Variants in RPS6KC1 observed in about 807,000 individuals in gnomAD.
RPS6KC1 encodes inactive ribosomal protein S6 kinase delta-1.
A neutral mutation model predicts 103.8 loss-of-function variants in RPS6KC1; 54 were observed. The observed-to-expected ratio is 0.52, with a 90% CI of 0.42 to 0.65. RPS6KC1 has a LOEUF of 0.65. RPS6KC1 is among the 30% of genes least tolerant of loss of function. The pLI, the probability that RPS6KC1 is intolerant of heterozygous loss-of-function variation, is 0.00. For synonymous variants in RPS6KC1, 439 were observed against 438.7 expected (o/e 1.00, Z -0.01); for missense variants, 1,151 against 1,253.8 (o/e 0.92, Z 1.24).
the RPS6KC1 span, among the ~76,000 whole-genome samples, chr1:213,383,210 C>T: frequency 6.6e-6 from 1 of 152,246 alleles, no homozygotes; most frequent in Non-Finnish European, 1.5e-5. Flanking sequence ...GGGACCAGGT[C>T]TACCTGGTTC....
intron 4 of RPS6KC1, among the ~76,000 whole-genome samples, chr1:213,109,734 T>C (rs1039106350): frequency 2.6e-5 from 4 of 152,200 alleles, no homozygotes; most frequent in Admixed American, 1.3e-4. Context: ...TTGGCTATTA[T>C]GAATGGTGCT....
the RPS6KC1 span, among the ~76,000 whole-genome samples, chr1:213,749,189 T>A: frequency 6.6e-6 from 1 of 152,176 alleles, no homozygotes; most frequent in Non-Finnish European, 1.5e-5. Context: ...CATATGAGTG[T>A]AAATCCTCAA....
chr1:213,140,188 A>G (rs2086846755), intron 6 of RPS6KC1, among the ~76,000 whole-genome samples: 1 of 152,066 alleles, frequency 6.6e-6, no homozygotes, highest in South Asian at 2.1e-4. Flanking sequence ...TTGTGCATTG[A>G]TTTTTGTATT....
intron 4 of RPS6KC1, among the ~76,000 whole-genome samples, chr1:213,105,837 A>G (rs2082433606): frequency 6.6e-6 from 1 of 152,144 alleles, no homozygotes; most frequent in South Asian, 2.1e-4. Flanking sequence ...TGTGTCAGGG[A>G]GTCTGTTTTT....
chr1:213,572,643 T>G, the RPS6KC1 span, among the ~76,000 whole-genome samples: 1 of 152,236 alleles, frequency 6.6e-6, no homozygotes, highest in South Asian at 2.1e-4. Context: ...AGGAAATAGC[T>G]TCATTGTTTG....
intron 12 of RPS6KC1, among the ~76,000 whole-genome samples, chr1:213,257,023 A>T (rs940563275): frequency 1.3e-5 from 2 of 152,146 alleles, no homozygotes; most frequent in Non-Finnish European, 2.9e-5. Context: ...ATTGTGTTCC[A>T]TAATAGGTCT....
In RPS6KC1 at chr1:213,062,377, A is replaced by T. The variant is rs181528111; in HGVS notation, c.106-8629A>T. ...TATTTCATGTATGTGCAAATATTCC[A>T]AAATCCAAAAAAAATACAAAATCTG... On this transcript the variant is annotated intron_variant, in intron 1 of 14. Transcript: ENST00000366960. Among the ~76,000 whole-genome samples, 5 of 152,298 alleles carry T rather than the reference A, an allele frequency of 3.3e-5. No individual in the cohort carries two copies. In the East Asian group the frequency reaches 5.8e-4, roughly 18 times the overall value.
chr1:213,099,705 A>T (rs552705312), intron 3 of RPS6KC1, among the ~76,000 whole-genome samples: 3 of 152,260 alleles, frequency 2.0e-5, no homozygotes, highest in Non-Finnish European at 4.4e-5. Flanking sequence ...TCTACTATAT[A>T]TTAGTTTTGT....
intron 8 of RPS6KC1, among the ~76,000 whole-genome samples, chr1:213,228,348 C>A (rs1477241554): frequency 6.6e-6 from 1 of 152,144 alleles, no homozygotes; most frequent in Non-Finnish European, 1.5e-5. Context: ...ACTATTATAG[C>A]TTCTACATAA....
the RPS6KC1 span, among the ~76,000 whole-genome samples, chr1:213,514,886 C>T: frequency 2.6e-5 from 4 of 152,330 alleles, no homozygotes; most frequent in Non-Finnish European, 5.9e-5. Flanking sequence ...TCCTCTCCAG[C>T]ACCTGTTGTT....
At chr1:213,596,088 C>A in the RPS6KC1 span, among the ~76,000 whole-genome samples, 1 of 152,040 alleles carries the variant, frequency 6.6e-6, no homozygotes, top group African/African-American at 2.4e-5. Context: ...CTTAAGATTG[C>A]CTGAGTTATG....
In RPS6KC1 at chr1:213,274,058, T is replaced by C. The variant is rs2095096227; in HGVS notation, c.*1424T>C. The stretch of plus-strand genomic sequence containing the variant: ...AAATGCTCTAGTGAAACAAAGGAAA[T>C]GTGCAAGCATTTTTCCTTTTTCTAT... On this transcript the variant is annotated 3_prime_UTR_variant, in exon 15 of 15. Transcript: ENST00000366960. 6.6e-6 allele frequency: 1 copy of C among 152,168 alleles called. No individual in the cohort carries two copies. Among genetic ancestry groups the C allele is most frequent in the South Asian group, 2.1e-4 (1 of 4,826 alleles). 9.4% of individuals were successfully genotyped at this position (152,168 alleles called of 1,614,324 possible). A position where few individuals can be genotyped will look rare whatever the true frequency, so the allele number is the denominator to read the frequency against.
At chr1:213,244,932 G>GCT (rs1270522696) in intron 12 of RPS6KC1, among the ~76,000 whole-genome samples, 2 of 152,274 alleles carry the variant, frequency 1.3e-5, no homozygotes, top group East Asian at 3.9e-4. Context: ...GTGTTCTAGT[G>GCT]TTGTGGCATG....
chr1:213,814,441 G>A, the RPS6KC1 span, among the ~76,000 whole-genome samples: 1 of 152,218 alleles, frequency 6.6e-6, no homozygotes, highest in Non-Finnish European at 1.5e-5. Context: ...ATAGCAAGGA[G>A]AGTTAGAATC....
chr1:213,275,927 A>G (rs2095111645), downstream of RPS6KC1, among the ~76,000 whole-genome samples: 2 of 152,140 alleles, frequency 1.3e-5, no homozygotes, highest in South Asian at 2.1e-4. Context: ...ACTTCTATTA[A>G]TTAACTGAAC....
chr1:213,579,628 C>T, the RPS6KC1 span, among the ~76,000 whole-genome samples: 26 of 151,976 alleles, frequency 1.7e-4, no homozygotes, highest in African/African-American at 6.3e-4. Flanking sequence ...AAGTCAATGC[C>T]TCGCCTCCAA....
At chr1:213,400,176 G>A in the RPS6KC1 span, among the ~76,000 whole-genome samples, 17 of 151,988 alleles carry the variant, frequency 1.1e-4, no homozygotes, top group Non-Finnish European at 2.2e-4. Flanking sequence ...TGACTGCTCA[G>A]GTGACATGGA....
the RPS6KC1 span, among the ~76,000 whole-genome samples, chr1:213,614,326 A>G: frequency 6.6e-6 from 1 of 152,252 alleles, no homozygotes; most frequent in African/African-American, 2.4e-5. Flanking sequence ...AGTCCTGTGT[A>G]CCACTACGGT....
At chr1:213,297,319 C>T in the RPS6KC1 span, among the ~76,000 whole-genome samples, 1 of 152,186 alleles carries the variant, frequency 6.6e-6, no homozygotes, top group South Asian at 2.1e-4. Context: ...AGCATGTGAG[C>T]ATTTGCTTAT....
Sources: allele counts gnomAD v4.1 joint callset (sites outside exome capture counted in the v4.1 genomes callset), GRCh38; gene constraint gnomAD v4.1.1; transcripts MANE v1.5; gene names NCBI Gene and HGNC (gene_info 2026-07-23, HGNC 2026-07-21).